The following PCDHA11 variants were observed in gnomAD, a reference collection of about 807,000 sequenced individuals.
PCDHA11 encodes the protein protocadherin alpha 11.
A neutral mutation model predicts 70.3 loss-of-function variants in PCDHA11; 61 were observed. That is an observed-to-expected ratio of 0.87 (90% confidence interval 0.71 to 1.07). The LOEUF (loss-of-function observed/expected upper bound fraction) is 1.07, where lower values mean the gene tolerates loss of function less well. Ranked by LOEUF, PCDHA11 falls within the 50% of genes least tolerant of loss-of-function variation. The probability of loss-of-function intolerance (pLI) is 0.00; values close to 1 mark genes in which losing one functional copy is unlikely to be tolerated. For missense variants in PCDHA11, 1,324 were observed against 1,237.5 expected, an observed-to-expected ratio of 1.07 and a Z score of -1.05; for synonymous variants, 633 against 555.1, an observed-to-expected ratio of 1.14 and a Z score of -1.97.
chr5:141,000,027 A>G (rs782393146), intron 3 of PCDHA11, among the ~76,000 whole-genome samples: 4 of 152,048 alleles, frequency 2.6e-5, no homozygotes, highest in Non-Finnish European at 5.9e-5. Flanking sequence ...TAAGCCTGAC[A>G]TCCAATCACA....
At chr5:140,938,187 C>T (rs1584944424) in intron 1 of PCDHA11, among the ~76,000 whole-genome samples, 1 of 152,158 alleles carries the variant, frequency 6.6e-6, no homozygotes, top group Admixed American at 6.5e-5. Context: ...CTCAAGCAAT[C>T]CTCCCACGCC....
intron 3 of PCDHA11, among the ~76,000 whole-genome samples, chr5:140,997,525 A>G (rs1293979369): frequency 6.6e-6 from 1 of 152,242 alleles, no homozygotes; most frequent in African/African-American, 2.4e-5. Flanking sequence ...AAAAAGTACA[A>G]TAAAAATACA....
At chr5:140,984,030 A>T (rs900763001) in intron 3 of PCDHA11, among the ~76,000 whole-genome samples, 17 of 152,330 alleles carry the variant, frequency 1.1e-4, no homozygotes, top group African/African-American at 3.6e-4. Context: ...AAGGGGAAAA[A>T]CATAAAATAG....
At chr5:140,900,177 A>G (rs1213706705) in intron 1 of PCDHA11, among the ~76,000 whole-genome samples, 1 of 152,194 alleles carries the variant, frequency 6.6e-6, no homozygotes, top group South Asian at 2.1e-4. Context: ...TGCCTGGTTT[A>G]TGTCACTTAT....
intron 1 of PCDHA11, among the ~76,000 whole-genome samples, chr5:140,914,442 CT>C (rs782585142): frequency 1.5e-4 from 23 of 152,072 alleles, no homozygotes; most frequent in Non-Finnish European, 2.9e-4. Context: ...TTTCCCATGT[CT>C]TTATTTTCCA....
Position 140,910,016 on chromosome 5 carries a change from G to C in PCDHA11, c.2391+38522G>C, listed in dbSNP as rs375687025. Among the ~76,000 whole-genome samples the C allele has an allele frequency of 3.5e-4, 54 of 152,290 alleles. No individual in the cohort carries two copies. The South Asian group carries it at 0.011, about 32-fold the overall frequency. ...ATAAATTGTTGTCAGTGTCATCCTT[G>C]TATCCCTGGGATAAATCCCACTTGG... On this transcript the variant is annotated intron_variant, in intron 1 of 3. Coordinates refer to ENST00000398640, the MANE Select transcript of PCDHA11 (RefSeq NM_018902.5).
intron 3 of PCDHA11, among the ~76,000 whole-genome samples, chr5:140,999,230 G>A (rs2097851745): frequency 6.6e-6 from 1 of 152,194 alleles, no homozygotes; most frequent in Non-Finnish European, 1.5e-5. Flanking sequence ...TTTGAGAATA[G>A]GTGGTTAAAG....
In PCDHA11 at chr5:141,010,336, G is replaced by A. The variant is rs1297379181; in HGVS notation, c.*399G>A. ...AGATTGAGCAGCTTGGGAGTTTGTG[G>A]CCACTGGGTATGTGTGGCTACCGCG... On this transcript the variant is annotated 3_prime_UTR_variant, in exon 4 of 4. Coordinates refer to ENST00000398640, the MANE Select transcript of PCDHA11 (RefSeq NM_018902.5). 25 of 1,535,806 alleles carry A rather than the reference G, an allele frequency of 1.6e-5. No individual in the cohort carries two copies. The highest frequency in any genetic ancestry group is 2.2e-5 in the Non-Finnish European group (25 of 1,141,450).
chr5:140,880,309 A>G (rs2058299906), intron 1 of PCDHA11, among the ~76,000 whole-genome samples: 1 of 152,236 alleles, frequency 6.6e-6, no homozygotes. Flanking sequence ...TGAAAGAAAC[A>G]AGTAAAAAAT....
rs376462906 is a variant in PCDHA11, at chr5:140,873,767, TCTC to T, written c.2391+2276_2391+2278del. Among the ~76,000 whole-genome samples, 393 of 152,280 alleles carry T rather than the reference TCTC, an allele frequency of 2.6e-3. 1 individual carries two copies. The highest frequency in any genetic ancestry group is 9.2e-3 in the African/African-American group (382 of 41,558). On this transcript the variant is annotated intron_variant, in intron 1 of 3. Transcript: ENST00000398640. ...TCTCCACCTCCCATGTTCAAGCAAT[TCTC>T]CTGCCTCAGCTTTCCGAGAAGCTGG...
At chr5:140,900,013 T>A (rs1351991303) in intron 1 of PCDHA11, among the ~76,000 whole-genome samples, 1 of 152,062 alleles carries the variant, frequency 6.6e-6, no homozygotes, top group Admixed American at 6.6e-5. Flanking sequence ...TCTCACTTTG[T>A]TACCCAGTTT....
At chr5:140,873,086 C>G (rs984385666) in intron 1 of PCDHA11, among the ~76,000 whole-genome samples, 1 of 152,122 alleles carries the variant, frequency 6.6e-6, no homozygotes, top group Non-Finnish European at 1.5e-5. Context: ...ATTTCCCCCC[C>G]GTATAGAGGC....
intron 1 of PCDHA11, chr5:140,967,282 G>A (rs1463734502): frequency 1.1e-5 from 17 of 1,612,960 alleles, no homozygotes; most frequent in Non-Finnish European, 1.4e-5. Context: ...TAGAGAGTGC[G>A]CAGGACCCCG....
At chr5:140,969,091 G>A (rs1554231442) in intron 1 of PCDHA11, 3 of 1,614,152 alleles carry the variant, frequency 1.9e-6, no homozygotes, top group Admixed American at 1.7e-5. Context: ...TCAAAGTGCA[G>A]CCTCACTTCA....
intron 1 of PCDHA11, among the ~76,000 whole-genome samples, chr5:140,964,550 C>T (rs13359943): frequency 0.012 from 1,826 of 152,168 alleles, 28 homozygotes; most frequent in African/African-American, 0.042. Flanking sequence ...ATGGCAGCGA[C>T]TTGGAGGGCT....
chr5:140,982,507 G>C lies in PCDHA11; in HGVS notation c.2483G>C (p.Arg828Pro). 6.2e-7 allele frequency: 1 copy of C among 1,614,138 alleles called. No homozygotes were observed. ...CACCTAGAGGAGGCTGGCATTCTAC[G>C]GGCTGGTCCAGGAGGGCCTGATCAG... ...SVHLEEAGIL[R>P]AGPGGPDQQW... is the part of the protein sequence containing the mutation. The change falls in exon 3 of 4, where the codon CGG becomes CCG. Residue 828 changes from arginine to proline, a missense_variant. Coordinates refer to ENST00000398640, the MANE Select transcript of PCDHA11 (RefSeq NM_018902.5).
At chr5:140,945,131 A>C (rs1484443084) in intron 1 of PCDHA11, among the ~76,000 whole-genome samples, 1 of 152,202 alleles carries the variant, frequency 6.6e-6, no homozygotes, top group Non-Finnish European at 1.5e-5. Context: ...CAACTTACAA[A>C]AATCAATAGC....
intron 1 of PCDHA11, among the ~76,000 whole-genome samples, chr5:140,872,147 A>G (rs182622131): frequency 6.6e-6 from 1 of 152,118 alleles, no homozygotes; most frequent in East Asian, 1.9e-4. Flanking sequence ...CTCCATTAGT[A>G]TGACATGATT....
intron 1 of PCDHA11, chr5:140,875,574 C>A (rs368911944): frequency 2.2e-5 from 35 of 1,613,978 alleles, no homozygotes; most frequent in East Asian, 6.7e-5. Context: ...TCCACTACTC[C>A]GTCTACGAGG....
Sources: allele counts gnomAD v4.1 joint callset (sites outside exome capture counted in the v4.1 genomes callset), GRCh38; gene constraint gnomAD v4.1.1; transcripts MANE v1.5; gene names NCBI Gene and HGNC (gene_info 2026-07-23, HGNC 2026-07-21).